The following SLC27A6 variants were observed in gnomAD, a reference collection of about 807,000 sequenced individuals.
SLC27A6 encodes solute carrier family 27 member 6.
In SLC27A6, 74 loss-of-function variants were observed where a neutral mutation model predicts 63.9. The observed-to-expected ratio is 1.16, with a 90% CI of 0.96 to 1.40. SLC27A6 has a LOEUF of 1.40. Ranked by LOEUF, SLC27A6 falls within the 40% of genes most tolerant of loss-of-function variation. The probability of loss-of-function intolerance (pLI) is 0.00; values close to 1 mark genes in which losing one functional copy is unlikely to be tolerated. For missense variants in SLC27A6, 794 were observed against 732.9 expected (o/e 1.08, Z -0.96); for synonymous variants, 287 against 260.8 (o/e 1.10, Z -0.97).
chr5:129,013,990 T>C (rs1258212756), intron 4 of SLC27A6, among the ~76,000 whole-genome samples: 2 of 152,194 alleles, frequency 1.3e-5, no homozygotes, highest in Admixed American at 6.5e-5. Flanking sequence ...AGACATTTTA[T>C]TGAGATACTT....
intron 1 of SLC27A6, 106 bp from the exon 2 acceptor site, chr5:128,985,027 C>A: frequency 6.8e-6 from 5 of 730,436 alleles, no homozygotes; most frequent in Non-Finnish European, 1.1e-5. Context: ...AGGAAATCAG[C>A]ATTTTATTTA....
Position 128,966,566 on chromosome 5 carries a change from C to T in SLC27A6, c.429C>T (p.Ser143=), listed in dbSNP as rs887441983. ...TCAACACCAACATTCGCTCCAACTCCCTCCTGAATTGCATCCGCGCCTGTG... is the reference window on the plus strand; with the variant it reads ...TCAACACCAACATTCGCTCCAACTCTCTCCTGAATTGCATCCGCGCCTGTG... The part of the protein sequence containing the change: ...AFLNTNIRSN[S]LLNCIRACGP... The change falls in exon 1 of 10, where the codon TCC becomes TCT. Residue 143 remains serine (S), a synonymous_variant. Coordinates refer to ENST00000262462, the MANE Select transcript of SLC27A6 (RefSeq NM_001017372.3). 1.3e-6 allele frequency: 2 copies of T among 1,561,600 alleles called. No homozygotes were observed. Among genetic ancestry groups the T allele is most frequent in the East Asian group, 2.2e-5 (1 of 44,708 alleles).
intron 1 of SLC27A6, among the ~76,000 whole-genome samples, chr5:128,983,689 T>C (rs1436233481): frequency 5.9e-5 from 9 of 152,216 alleles, no homozygotes; most frequent in African/African-American, 2.2e-4. Context: ...AGTTAGTCTA[T>C]GGTTAGATTA....
chr5:128,991,681 A>G (rs1750988801), intron 4 of SLC27A6, among the ~76,000 whole-genome samples: 1 of 152,034 alleles, frequency 6.6e-6, no homozygotes, highest in Non-Finnish European at 1.5e-5. Context: ...TCTTTTGAAT[A>G]AGTGATTATA....
intron 4 of SLC27A6, among the ~76,000 whole-genome samples, chr5:128,998,052 C>T (rs529436663): frequency 4.9e-5 from 7 of 143,932 alleles, no homozygotes; most frequent in Admixed American, 1.5e-4. Flanking sequence ...AACCAAGGCA[C>T]GAGGATTGCT....
At chr5:128,991,129 TC>T (rs1750966815) in intron 4 of SLC27A6, among the ~76,000 whole-genome samples, 1 of 152,200 alleles carries the variant, frequency 6.6e-6, no homozygotes, top group South Asian at 2.1e-4. Context: ...TCTTTGTCCC[TC>T]CCCCTGTGCT....
intron 4 of SLC27A6, among the ~76,000 whole-genome samples, chr5:129,004,629 CAAG>C (rs929322116): frequency 6.6e-6 from 1 of 152,016 alleles, no homozygotes; most frequent in African/African-American, 2.4e-5. Context: ...TCTCATATCT[CAAG>C]AAGAATAAAA....
rs541475924 is a variant in SLC27A6, at chr5:129,030,236, G to A, written c.1683+529G>A. ...AGGACTTTCTCTTGTTAGCTTACTG[G>A]TATAAGTACAGTAAAAAGAAAACAA... On this transcript the variant is annotated intron_variant, in intron 9 of 9. Coordinates refer to ENST00000262462, the MANE Select transcript of SLC27A6 (RefSeq NM_001017372.3). Among the ~76,000 whole-genome samples the A allele has an allele frequency of 5.3e-5, 8 of 151,964 alleles. No homozygotes were observed. In the South Asian group the frequency reaches 1.5e-3, roughly 28 times the overall value.
intron 4 of SLC27A6, among the ~76,000 whole-genome samples, chr5:129,006,393 C>T (rs1751538036): frequency 6.6e-6 from 1 of 151,170 alleles, no homozygotes; most frequent in South Asian, 2.1e-4. Context: ...CCCAGCCACT[C>T]GTTTTTTAAA....
Position 129,033,298 on chromosome 5 carries a change from A to C in SLC27A6, c.*16A>C. 6.8e-7 allele frequency: 1 copy of C among 1,472,746 alleles called. No homozygotes were observed. The highest frequency in any genetic ancestry group is 1.3e-5 in the South Asian group (1 of 77,860). The allele number at this position is 1,472,746 out of a possible 1,614,324, so 91.2% of individuals were successfully genotyped here. A position where few individuals can be genotyped will look rare whatever the true frequency, so the allele number is the denominator to read the frequency against. On this transcript the variant is annotated 3_prime_UTR_variant, in exon 10 of 10. Transcript: ENST00000262462. ...AAAACTTTAAGATTTTTATATCTAG[A>C]ACTTTCATATGCTTTCTTAGGAAGA...
At chr5:129,020,106 C>T (rs944089383) in intron 5 of SLC27A6, among the ~76,000 whole-genome samples, 10 of 152,102 alleles carry the variant, frequency 6.6e-5, no homozygotes, top group African/African-American at 2.4e-4. Context: ...GGGTGGGAAA[C>T]ATCTCAGGCA....
chr5:128,975,207 C>T (rs1750335465), intron 1 of SLC27A6, among the ~76,000 whole-genome samples: 1 of 152,180 alleles, frequency 6.6e-6, no homozygotes, highest in African/African-American at 2.4e-5. Flanking sequence ...AAAAATTAGC[C>T]GAGTGTGGTG....
intron 9 of SLC27A6, among the ~76,000 whole-genome samples, chr5:129,032,135 TG>T (rs1752435497): frequency 6.6e-6 from 1 of 152,010 alleles, no homozygotes; most frequent in Non-Finnish European, 1.5e-5. Flanking sequence ...TCTAGACTCA[TG>T]GCATCTTTAA....
At chr5:128,967,774 T>C (rs1162060409) in intron 1 of SLC27A6, among the ~76,000 whole-genome samples, 1 of 152,178 alleles carries the variant, frequency 6.6e-6, no homozygotes, top group East Asian at 1.9e-4. Context: ...TATTTTTTAT[T>C]ATTATACTTT....
At chr5:128,996,615 G>A (rs1270584326) in intron 4 of SLC27A6, among the ~76,000 whole-genome samples, 1 of 151,874 alleles carries the variant, frequency 6.6e-6, no homozygotes, top group African/African-American at 2.4e-5. Flanking sequence ...GTTTTTCTGA[G>A]GCTGACAAGA....
intron 5 of SLC27A6, among the ~76,000 whole-genome samples, chr5:129,018,103 G>T (rs1386900272): frequency 1.3e-5 from 2 of 152,038 alleles, no homozygotes; most frequent in Non-Finnish European, 2.9e-5. Flanking sequence ...TCTGAAAGTA[G>T]CACTATCCTA....
At chr5:128,985,486 AAC>A in intron 2 of SLC27A6, 150 bp downstream of exon 2, 1 of 629,458 alleles carries the variant, frequency 1.6e-6, no homozygotes, top group Non-Finnish European at 2.8e-6. Context: ...AGAACTTTCC[AAC>A]TTGGATGGAA....
intron 5 of SLC27A6, among the ~76,000 whole-genome samples, chr5:129,017,096 C>T (rs1751921720): frequency 6.6e-6 from 1 of 152,086 alleles, no homozygotes; most frequent in African/African-American, 2.4e-5. Flanking sequence ...TAATAAGAAA[C>T]CACTAATCGA....
chr5:129,009,753 C>A lies in SLC27A6; in HGVS notation c.970-6132C>A, dbSNP rs561802609. Among the ~76,000 whole-genome samples, 5 of 152,130 alleles carry A rather than the reference C, an allele frequency of 3.3e-5. No homozygotes were observed. In the South Asian group the frequency reaches 6.2e-4, roughly 19 times the overall value. On this transcript the variant is annotated intron_variant, in intron 4 of 9. Transcript: ENST00000262462. The stretch of plus-strand genomic sequence containing the variant: ...GCAGTGGCGCGATCTCGGCTCACTG[C>A]AACCTCCACCCCCTGGGTTCAAGCA...
Sources: gnomAD v4.1 joint callset for allele counts (sites outside exome capture counted in the v4.1 genomes callset) on GRCh38, gnomAD v4.1.1 for gene constraint, MANE v1.5 for transcripts, NCBI Gene and HGNC (gene_info 2026-07-23, HGNC 2026-07-21) for gene names.